Variants in FOXN3 observed in about 807,000 individuals in gnomAD.
FOXN3 encodes forkhead box N3.
A neutral mutation model predicts 38.4 loss-of-function variants in FOXN3; 7 were observed. That is an observed-to-expected ratio of 0.18 (90% CI 0.10 to 0.34). The LOEUF (loss-of-function observed/expected upper bound fraction) is 0.34. Among genes scored for constraint, FOXN3 ranks in the 10% least tolerant of loss-of-function variants. The pLI is 1.00. For missense variants in FOXN3, 456 were observed against 613.4 expected (o/e 0.74, Z 2.71); for synonymous variants, 230 against 242.2 (o/e 0.95, Z 0.47).
chr14:89,441,478 C>G (rs574198036), intron 1 of FOXN3, among the ~76,000 whole-genome samples: 1 of 152,316 alleles, frequency 6.6e-6, no homozygotes, highest in South Asian at 2.1e-4. Context: ...AGGGAACCAA[C>G]GGAACACATT....
At chr14:89,460,479 T>G (rs551730925) in intron 1 of FOXN3, among the ~76,000 whole-genome samples, 1 of 152,318 alleles carries the variant, frequency 6.6e-6, no homozygotes, top group East Asian at 1.9e-4. Context: ...GAGTGCACAG[T>G]GAGCGGGCTT....
intron 2 of FOXN3, chr14:89,356,372 G>A (rs1361101793): frequency 6.6e-6 from 1 of 151,910 alleles, no homozygotes; most frequent in Non-Finnish European, 1.5e-5. Context: ...ACTCCAGCCT[G>A]GGCGGCAGAG....
chr14:89,494,271 C>T (rs1456793984), intron 1 of FOXN3: 1 of 152,220 alleles, frequency 6.6e-6, no homozygotes, highest in East Asian at 1.9e-4. Flanking sequence ...GGTAGAGTGC[C>T]ACGCTGTGTT....
At chr14:89,248,612 T>C (rs1885364618) in intron 4 of FOXN3, among the ~76,000 whole-genome samples, 1 of 152,226 alleles carries the variant, frequency 6.6e-6, no homozygotes, top group Admixed American at 6.5e-5. Context: ...CATGCCTACG[T>C]GTGCTGTGCT....
At chr14:89,525,252 G>T (rs538997322) in intron 1 of FOXN3, among the ~76,000 whole-genome samples, 69 of 151,616 alleles carry the variant, frequency 4.6e-4, no homozygotes, top group African/African-American at 1.4e-3. Flanking sequence ...TAATAAAACA[G>T]GTTGCAGTAA....
chr14:89,287,831 A>G (rs973021656), intron 3 of FOXN3, among the ~76,000 whole-genome samples: 22 of 151,822 alleles, frequency 1.4e-4, no homozygotes, highest in Non-Finnish European at 2.2e-4. Flanking sequence ...CAGGAAGATC[A>G]CTTGAGCCCA....
intron 1 of FOXN3, among the ~76,000 whole-genome samples, chr14:89,429,557 A>G (rs1892114751): frequency 6.6e-6 from 1 of 151,740 alleles, no homozygotes; most frequent in Non-Finnish European, 1.5e-5. Context: ...AGCCTGAAAA[A>G]CTTCTCATTT....
chr14:89,474,227 AT>A (rs1225341118), intron 1 of FOXN3, among the ~76,000 whole-genome samples: 1 of 152,230 alleles, frequency 6.6e-6, no homozygotes, highest in Non-Finnish European at 1.5e-5. Flanking sequence ...AATTTCTTAG[AT>A]TGTTAAAATA....
At chr14:89,246,073 A>G (rs117417737) in intron 4 of FOXN3, among the ~76,000 whole-genome samples, 1,748 of 152,084 alleles carry the variant, frequency 0.011, 21 homozygotes, top group Middle Eastern at 0.014. Flanking sequence ...ATATTCTAAA[A>G]CTGCTTGTGC....
At chr14:89,329,537 C>T (rs1888175272) in intron 3 of FOXN3, among the ~76,000 whole-genome samples, 1 of 152,066 alleles carries the variant, frequency 6.6e-6, no homozygotes, top group Admixed American at 6.6e-5. Flanking sequence ...TCCTACAAGG[C>T]ACAGGACAGC....
At chr14:89,233,290 C>T (rs1022094169) in intron 4 of FOXN3, among the ~76,000 whole-genome samples, 4 of 152,190 alleles carry the variant, frequency 2.6e-5, no homozygotes, top group African/African-American at 9.7e-5. Flanking sequence ...CTCTACTTCA[C>T]CCTGCAGGAG....
intron 4 of FOXN3, among the ~76,000 whole-genome samples, chr14:89,181,039 C>T (rs1327660233): frequency 2.6e-5 from 4 of 150,988 alleles, no homozygotes; most frequent in Non-Finnish European, 5.9e-5. Context: ...CATGCAGACA[C>T]GTACGTACAC....
At chr14:89,617,546 G>C (rs542836316) in intron 1 of FOXN3, among the ~76,000 whole-genome samples, 3 of 152,222 alleles carry the variant, frequency 2.0e-5, no homozygotes, top group Admixed American at 1.3e-4. Flanking sequence ...ATCTACTGAT[G>C]GTCCTTTTTT....
At chr14:89,597,637 A>G (rs537133533) in intron 1 of FOXN3, among the ~76,000 whole-genome samples, 4 of 152,288 alleles carry the variant, frequency 2.6e-5, no homozygotes, top group Admixed American at 2.0e-4. Context: ...AGACAGAGAG[A>G]GAGCAAGTGA....
At chr14:89,260,890 T>C (rs2139891468) in intron 4 of FOXN3, among the ~76,000 whole-genome samples, 1 of 152,376 alleles carries the variant, frequency 6.6e-6, no homozygotes, top group Non-Finnish European at 1.5e-5. Flanking sequence ...GTAACCAATA[T>C]ATTTTTATTA....
chr14:89,299,596 G>A (rs1272169422), intron 3 of FOXN3, among the ~76,000 whole-genome samples: 1 of 152,178 alleles, frequency 6.6e-6, no homozygotes, highest in Non-Finnish European at 1.5e-5. Flanking sequence ...CCCTCAAGGA[G>A]CAGCTTGCCT....
intron 1 of FOXN3, among the ~76,000 whole-genome samples, chr14:89,439,086 C>A (rs770981868): frequency 5.3e-5 from 8 of 152,078 alleles, no homozygotes; most frequent in Non-Finnish European, 1.0e-4. Context: ...GAGGTACCCA[C>A]CCCTGCCAAA....
At chr14:89,368,030 T>C (rs1163695175) in intron 2 of FOXN3, among the ~76,000 whole-genome samples, 1 of 152,138 alleles carries the variant, frequency 6.6e-6, no homozygotes, top group Admixed American at 6.5e-5. Context: ...TGAGTTCTGC[T>C]ATCAAAACGA....
At chr14:89,222,061 C>T (rs551236833) in intron 4 of FOXN3, among the ~76,000 whole-genome samples, 15 of 152,328 alleles carry the variant, frequency 9.8e-5, no homozygotes, top group African/African-American at 3.4e-4. Flanking sequence ...CGTGATCTGC[C>T]CGCCTCGGCC....
Sources: gnomAD v4.1 joint callset for allele counts (sites outside exome capture counted in the v4.1 genomes callset) on GRCh38, gnomAD v4.1.1 for gene constraint, MANE v1.5 for transcripts, NCBI Gene and HGNC (gene_info 2026-07-23, HGNC 2026-07-21) for gene names.